GPC5: variants seen among roughly 807,000 people sequenced by gnomAD.
GPC5 encodes the protein glypican-5.
GPC5 carries 47 observed loss-of-function variants against 53.9 expected under a neutral mutation model. The observed-to-expected ratio is 0.87, with a 90% CI of 0.69 to 1.11. The LOEUF (loss-of-function observed/expected upper bound fraction) is 1.11, where lower values mean the gene tolerates loss of function less well. Among genes scored for constraint, GPC5 ranks in the 50% most tolerant of loss-of-function variants. GPC5 has a pLI of 0.00. For missense variants in GPC5, 748 were observed against 713.1 expected (o/e 1.05, Z -0.56); for synonymous variants, 286 against 263.3 (o/e 1.09, Z -0.84).
At chr13:91,951,763 A>C (rs1482443094) in intron 6 of GPC5, among the ~76,000 whole-genome samples, 1 of 152,158 alleles carries the variant, frequency 6.6e-6, no homozygotes, top group East Asian at 1.9e-4. Flanking sequence ...GGAAAACATC[A>C]AAATTAGTTG....
At chr13:91,675,534 G>A (rs553370217) in intron 2 of GPC5, among the ~76,000 whole-genome samples, 2 of 152,258 alleles carry the variant, frequency 1.3e-5, no homozygotes, top group East Asian at 3.9e-4. Flanking sequence ...AAGTATAGTG[G>A]GACATGTAGG....
intron 2 of GPC5, among the ~76,000 whole-genome samples, chr13:91,510,144 ATAT>A (rs951505388): frequency 5.3e-4 from 80 of 152,182 alleles, no homozygotes; most frequent in African/African-American, 1.7e-3. Context: ...TTATGTACAT[ATAT>A]TATTATTATT....
chr13:92,666,214 T>G (rs910977213), intron 7 of GPC5, among the ~76,000 whole-genome samples: 1 of 152,190 alleles, frequency 6.6e-6, no homozygotes, highest in African/African-American at 2.4e-5. Context: ...ATTGAATATA[T>G]TAACAATGGA....
chr13:91,493,164 T>A (rs1419440560), intron 2 of GPC5, among the ~76,000 whole-genome samples: 1 of 152,224 alleles, frequency 6.6e-6, no homozygotes, highest in Non-Finnish European at 1.5e-5. Flanking sequence ...CCTGCATAAG[T>A]GCAGCAGAAC....
intron 6 of GPC5, among the ~76,000 whole-genome samples, chr13:92,006,335 T>C (rs1594719556): frequency 6.6e-6 from 1 of 152,288 alleles, no homozygotes; most frequent in Admixed American, 6.5e-5. Flanking sequence ...CTAAAACCAT[T>C]TCTGTGAAAT....
intron 5 of GPC5, among the ~76,000 whole-genome samples, chr13:91,844,361 G>A (rs1248198891): frequency 6.6e-6 from 1 of 152,178 alleles, no homozygotes; most frequent in Non-Finnish European, 1.5e-5. Flanking sequence ...TTGTGCATGT[G>A]TGCTCTCTGC....
At chr13:91,611,545 G>C (rs1299250121) in intron 2 of GPC5, among the ~76,000 whole-genome samples, 1 of 152,116 alleles carries the variant, frequency 6.6e-6, no homozygotes, top group Non-Finnish European at 1.5e-5. Flanking sequence ...GCTAGCTGCT[G>C]GCTCTTCTTT....
chr13:91,796,739 G>A (rs2038052991), intron 5 of GPC5, among the ~76,000 whole-genome samples: 1 of 152,022 alleles, frequency 6.6e-6, no homozygotes, highest in African/African-American at 2.4e-5. Context: ...CTCTCACTTT[G>A]ACTAGATTAA....
At chr13:91,558,441 A>T (rs1414127176) in intron 2 of GPC5, among the ~76,000 whole-genome samples, 1 of 152,036 alleles carries the variant, frequency 6.6e-6, no homozygotes, top group East Asian at 1.9e-4. Flanking sequence ...ATAATATTGG[A>T]TGTGGACCAT....
intron 7 of GPC5, among the ~76,000 whole-genome samples, chr13:92,145,275 G>T (rs1229836247): frequency 2.0e-5 from 3 of 151,946 alleles, no homozygotes; most frequent in East Asian, 3.9e-4. Context: ...AGGCATAATG[G>T]ATACTAATTG....
chr13:91,920,770 C>T (rs1358924555), intron 6 of GPC5, among the ~76,000 whole-genome samples: 1 of 151,986 alleles, frequency 6.6e-6, no homozygotes. Flanking sequence ...ATAAAAAATG[C>T]CTTCAAATTA....
chr13:91,673,953 C>G (rs2035309068), intron 2 of GPC5, among the ~76,000 whole-genome samples: 1 of 152,100 alleles, frequency 6.6e-6, no homozygotes, highest in Non-Finnish European at 1.5e-5. Context: ...GACTTAGAAA[C>G]AACAAAATAA....
chr13:91,727,834 C>T (rs1413615421), intron 3 of GPC5, among the ~76,000 whole-genome samples: 1 of 152,024 alleles, frequency 6.6e-6, no homozygotes, highest in Admixed American at 6.6e-5. Flanking sequence ...TCATATAAAT[C>T]TTTTTGATGC....
chr13:92,396,701 G>A (rs911351542), intron 7 of GPC5, among the ~76,000 whole-genome samples: 1 of 152,114 alleles, frequency 6.6e-6, no homozygotes, highest in East Asian at 1.9e-4. Context: ...TCTTTGCACT[G>A]TGTTGTTATC....
intron 7 of GPC5, among the ~76,000 whole-genome samples, chr13:92,415,744 C>T (rs1208620400): frequency 1.3e-5 from 2 of 151,262 alleles, no homozygotes; most frequent in Non-Finnish European, 2.9e-5. Context: ...CTACGCAGAA[C>T]AGACTGGATG....
Position 92,496,576 on chromosome 13 carries a change from T to C in GPC5, c.1561+351587T>C, listed in dbSNP as rs572542105. Among the ~76,000 whole-genome samples the C allele has an allele frequency of 1.2e-4, 18 of 152,252 alleles. No homozygotes were observed. In the South Asian group the frequency reaches 3.7e-3, roughly 32 times the overall value. ...ACTTAGCCATAAAAACAAAAGGGAATAGGTATGCTTTAGTAGCAACTTTGT... is the reference window on the plus strand; with the variant it reads ...ACTTAGCCATAAAAACAAAAGGGAACAGGTATGCTTTAGTAGCAACTTTGT... On this transcript the variant is annotated intron_variant, in intron 7 of 7. Coordinates refer to ENST00000377067, the MANE Select transcript of GPC5 (RefSeq NM_004466.6).
intron 6 of GPC5, among the ~76,000 whole-genome samples, chr13:92,116,676 T>C (rs1474768793): frequency 6.6e-6 from 1 of 152,188 alleles, no homozygotes; most frequent in Non-Finnish European, 1.5e-5. Context: ...TCATTCCCAC[T>C]AACATACCAG....
rs957373995 is a variant in GPC5 at position 92,866,599 on chromosome 13, C to T, written c.*160C>T. ...GCCAAGCTGAAATATTCATAAAGTC[C>T]CTAAAACTCAACGTTTAAATGACAC... On this transcript the variant is annotated 3_prime_UTR_variant, in exon 8 of 8. Coordinates refer to ENST00000377067, the MANE Select transcript of GPC5 (RefSeq NM_004466.6). 1 of 523,140 alleles carries T rather than the reference C, an allele frequency of 1.9e-6. No homozygotes were observed. The highest frequency in any genetic ancestry group is 2.0e-5 in the African/African-American group (1 of 51,134). 32.4% of individuals were successfully genotyped at this position (523,140 alleles called of 1,614,324 possible).
intron 7 of GPC5, among the ~76,000 whole-genome samples, chr13:92,493,476 TAGTG>T (rs1879844091): frequency 6.6e-6 from 1 of 152,208 alleles, no homozygotes; most frequent in Non-Finnish European, 1.5e-5. Flanking sequence ...CTCATTGAAG[TAGTG>T]AGAACGATAA....
Sources: gnomAD v4.1 joint callset for allele counts (sites outside exome capture counted in the v4.1 genomes callset) on GRCh38, gnomAD v4.1.1 for gene constraint, MANE v1.5 for transcripts, NCBI Gene and HGNC (gene_info 2026-07-23, HGNC 2026-07-21) for gene names.